The following TRAM2 variants were observed in gnomAD, a reference collection of about 807,000 sequenced individuals.
The protein encoded by TRAM2 is translocating chain-associated membrane protein 2.
TRAM2 carries 12 observed loss-of-function variants against 51.0 expected under a neutral mutation model. The observed-to-expected ratio is 0.24, with a 90% CI of 0.15 to 0.38. The LOEUF is 0.38. Ranked by LOEUF, TRAM2 falls within the 10% of genes least tolerant of loss-of-function variation. The pLI, the probability that TRAM2 is intolerant of heterozygous loss-of-function variation, is 1.00. For synonymous variants in TRAM2, 175 were observed against 179.4 expected (o/e 0.98, Z 0.20); for missense variants, 361 against 462.0 (o/e 0.78, Z 2.00).
intron 1 of TRAM2, among the ~76,000 whole-genome samples, chr6:52,545,999 C>T (rs1409366458): frequency 2.6e-5 from 4 of 152,146 alleles, no homozygotes; most frequent in Non-Finnish European, 5.9e-5. Context: ...TCATTTACAA[C>T]ACAACAGAAT....
chr6:52,512,905 C>A (rs554445077), intron 4 of TRAM2, among the ~76,000 whole-genome samples: 1 of 152,332 alleles, frequency 6.6e-6, no homozygotes, highest in South Asian at 2.1e-4. Context: ...CAAGCACCAG[C>A]ATTAAGGACA....
At chr6:52,534,798 C>T (rs1043208495) in intron 2 of TRAM2, among the ~76,000 whole-genome samples, 4 of 152,154 alleles carry the variant, frequency 2.6e-5, no homozygotes, top group Non-Finnish European at 4.4e-5. Context: ...TAGATAGACC[C>T]TCTCCCCTGT....
chr6:52,535,416 C>T (rs1000302892), intron 2 of TRAM2, among the ~76,000 whole-genome samples: 1 of 152,228 alleles, frequency 6.6e-6, no homozygotes, highest in Non-Finnish European at 1.5e-5. Context: ...GGCGTGGTGG[C>T]TCATGCCTGT....
chr6:52,508,404 G>T, intron 5 of TRAM2, 86 bp from the exon 6 acceptor site: 1 of 1,298,092 alleles, frequency 7.7e-7, no homozygotes, highest in Non-Finnish European at 1.1e-6. Context: ...GAAAAGCATG[G>T]GCTGAGACTC....
At chr6:52,534,407 A>G (rs1350399398) in intron 2 of TRAM2, among the ~76,000 whole-genome samples, 1 of 152,160 alleles carries the variant, frequency 6.6e-6, no homozygotes, top group East Asian at 1.9e-4. Context: ...AACAACAACA[A>G]AAAGAATAAA....
intron 1 of TRAM2, among the ~76,000 whole-genome samples, chr6:52,558,899 C>A (rs568852781): frequency 6.6e-6 from 1 of 152,278 alleles, no homozygotes; most frequent in Non-Finnish European, 1.5e-5. Flanking sequence ...TTAATTCCAA[C>A]AAATATTTTT....
At position 52,512,646 on chromosome 6, in the gene TRAM2, C is replaced by T. The variant is rs34968708; in HGVS notation, c.412-3060G>A. ...AGGCTTTTGAAATCCTTTGTTCTCT[C>T]GATTCTACAAATCCACCCATGAGCT... is the stretch of plus-strand genomic sequence containing the variant. On this transcript the variant is annotated intron_variant, in intron 4 of 10. Transcript: ENST00000182527. Among the ~76,000 whole-genome samples, 187 of 152,290 alleles carry T rather than the reference C, an allele frequency of 1.2e-3. 5 individuals are homozygous for T. The East Asian group carries it at 0.027, about 22-fold the overall frequency.
chr6:52,536,138 C>A (rs1363427714), intron 1 of TRAM2, among the ~76,000 whole-genome samples: 1 of 152,188 alleles, frequency 6.6e-6, no homozygotes, highest in Non-Finnish European at 1.5e-5. Context: ...ACAAATTTGT[C>A]AGCCATTCGT....
At chr6:52,566,938 G>A (rs541463747) in intron 1 of TRAM2, among the ~76,000 whole-genome samples, 1 of 152,314 alleles carries the variant, frequency 6.6e-6, no homozygotes, top group East Asian at 1.9e-4. Context: ...ATCATCAAGT[G>A]ACTGTACTTG....
intron 1 of TRAM2, among the ~76,000 whole-genome samples, chr6:52,568,420 C>T (rs999755500): frequency 6.6e-6 from 1 of 152,210 alleles, no homozygotes; most frequent in African/African-American, 2.4e-5. Context: ...AAAACACAGT[C>T]TCAACTCCAA....
chr6:52,526,562 C>T (rs973409399), intron 2 of TRAM2, among the ~76,000 whole-genome samples: 2 of 151,906 alleles, frequency 1.3e-5, no homozygotes, highest in Non-Finnish European at 2.9e-5. Context: ...AATTTTTTTG[C>T]ATTTTTAATA....
intron 1 of TRAM2, among the ~76,000 whole-genome samples, chr6:52,566,440 G>A (rs1231361465): frequency 6.6e-6 from 1 of 152,114 alleles, no homozygotes; most frequent in African/African-American, 2.4e-5. Context: ...TCCTAACCTG[G>A]ACCAGTGCCC....
In TRAM2 at chr6:52,506,275, C is replaced by G. The variant is rs1581867642; in HGVS notation, c.627-139G>C. On this transcript the variant is annotated intron_variant, in intron 7 of 10. Transcript: ENST00000182527. ...CCCACTTTCCCTGGCTGGCTCTGCT[C>G]CATCCTTTGGATTCAGTTTAGCTCT... 8.2e-6 allele frequency: 6 copies of G among 735,608 alleles called. No homozygotes were observed. The East Asian group carries it at 1.6e-4, about 19-fold the overall frequency. The allele number at this position is 735,608 out of a possible 1,614,324, so 45.6% of individuals were successfully genotyped here.
chr6:52,536,909 G>C (rs1766984917), intron 1 of TRAM2, among the ~76,000 whole-genome samples: 1 of 152,170 alleles, frequency 6.6e-6, no homozygotes, highest in Admixed American at 6.5e-5. Flanking sequence ...ACAGAGGTTT[G>C]AAGGATGCAC....
chr6:52,528,336 T>C (rs1418141260), intron 2 of TRAM2, among the ~76,000 whole-genome samples: 2 of 152,080 alleles, frequency 1.3e-5, no homozygotes, highest in Non-Finnish European at 2.9e-5. Context: ...CGTAATCAAG[T>C]ATGGCTTCCA....
At chr6:52,572,877 A>C (rs1767703527) in intron 1 of TRAM2, among the ~76,000 whole-genome samples, 1 of 152,186 alleles carries the variant, frequency 6.6e-6, no homozygotes, top group African/African-American at 2.4e-5. Context: ...AGCAGGGAAG[A>C]AGGTGGTTCC....
chr6:52,572,686 T>C (rs1200604749), intron 1 of TRAM2, among the ~76,000 whole-genome samples: 3 of 152,226 alleles, frequency 2.0e-5, no homozygotes, highest in Admixed American at 6.5e-5. Flanking sequence ...GATTGTTTTA[T>C]GATGCTGCTA....
At chr6:52,573,067 TA>T (rs1309292086) in intron 1 of TRAM2, among the ~76,000 whole-genome samples, 1 of 152,156 alleles carries the variant, frequency 6.6e-6, no homozygotes, top group Non-Finnish European at 1.5e-5. Flanking sequence ...TTAGAGCCTG[TA>T]AATGAGCTTA....
At chr6:52,550,937 A>G (rs1767298375) in intron 1 of TRAM2, among the ~76,000 whole-genome samples, 1 of 152,188 alleles carries the variant, frequency 6.6e-6, no homozygotes, top group Non-Finnish European at 1.5e-5. Flanking sequence ...CATGAAACGC[A>G]TGGGAGGCAG....
Sources: allele counts gnomAD v4.1 joint callset (sites outside exome capture counted in the v4.1 genomes callset), GRCh38; gene constraint gnomAD v4.1.1; transcripts MANE v1.5; gene names NCBI Gene and HGNC (gene_info 2026-07-23, HGNC 2026-07-21).